Variants in SLCO1A2 observed in about 807,000 individuals in gnomAD.
The protein encoded by SLCO1A2 is OATP-1.
SLCO1A2 carries 67 observed loss-of-function variants against 69.0 expected under a neutral mutation model. That is an observed-to-expected ratio of 0.97 (90% CI 0.80 to 1.19). SLCO1A2 has a LOEUF of 1.19. Ranked by LOEUF, SLCO1A2 falls within the 50% of genes most tolerant of loss-of-function variation. The probability of loss-of-function intolerance (pLI) is 0.00; values close to 1 mark genes in which losing one functional copy is unlikely to be tolerated. For missense variants in SLCO1A2, 787 were observed against 793.7 expected, an observed-to-expected ratio of 0.99 and a Z score of 0.10; for synonymous variants, 260 against 265.9, an observed-to-expected ratio of 0.98 and a Z score of 0.22.
rs1286871779 is a variant in SLCO1A2 at position 21,400,816 on chromosome 12, G to A, written c.-312+17066C>T. On this transcript the variant is annotated intron_variant, in intron 1 of 4. Transcript: ENST00000413682. Reference sequence around the variant, plus strand: ...ACCGTATATTCTCACTCATAGGTGGGAATTGAACAATGAGATCACATGGAC... The same window carrying A: ...ACCGTATATTCTCACTCATAGGTGGAAATTGAACAATGAGATCACATGGAC... Among the ~76,000 whole-genome samples, 1,427 of 143,510 alleles carry A rather than the reference G, an allele frequency of 9.9e-3. 22 individuals carry two copies. The highest frequency in any genetic ancestry group is 0.034 in the African/African-American group (1,313 of 38,750). The allele number at this position is 143,510 out of a possible 152,430, so 94.1% of individuals were successfully genotyped here.
rs59201637 is a variant in SLCO1A2 at position 21,334,906 on chromosome 12, T to C, written c.-142A>G. On this transcript the variant is annotated 5_prime_UTR_variant, in exon 1 of 15. An upstream start codon of the reference 5' UTR is lost. Transcript: ENST00000683939. ...TTGGTTTTCTATTTCAAAAGGTACATCAAATAACTTTAGTGACTCTTTAGT... is the reference window on the plus strand; with the variant it reads ...TTGGTTTTCTATTTCAAAAGGTACACCAAATAACTTTAGTGACTCTTTAGT... 5.4e-6 allele frequency: 2 copies of C among 367,010 alleles called. No individual in the cohort carries two copies. Among genetic ancestry groups the C allele is most frequent in the African/African-American group, 4.2e-5 (2 of 47,098 alleles). 22.7% of individuals were successfully genotyped at this position (367,010 alleles called of 1,614,324 possible).
In SLCO1A2 at chr12:21,267,814, C is replaced by G. The variant is rs950921610; in HGVS notation, c.*1734G>C. 2.0e-5 allele frequency: 3 copies of G among 152,064 alleles called. No homozygotes were observed. Among genetic ancestry groups the G allele is most frequent in the Non-Finnish European group, 1.5e-5 (1 of 68,022 alleles). The allele number at this position is 152,064 out of a possible 1,614,324, so 9.4% of individuals were successfully genotyped here. A position where few individuals can be genotyped will look rare whatever the true frequency, so the allele number is the denominator to read the frequency against. On this transcript the variant is annotated 3_prime_UTR_variant, in exon 15 of 15. Transcript: ENST00000683939. ...GTTTTAGTTTCCAGGCCATTCTCCT[C>G]ACTTCCTCCCACCACAAAGGAAGTG... is the stretch of plus-strand genomic sequence containing the variant.
upstream of SLCO1A2, chr12:21,419,038 G>C (rs1942035947): frequency 6.6e-6 from 1 of 152,062 alleles, no homozygotes; most frequent in Admixed American, 6.6e-5. Flanking sequence ...ACTATGTGAG[G>C]CTAATAATTC....
At chr12:21,398,112 T>G (rs1941543550), upstream of SLCO1A2, among the ~76,000 whole-genome samples, 1 of 143,034 alleles carries the variant, frequency 7.0e-6, no homozygotes, top group Non-Finnish European at 1.6e-5. Flanking sequence ...ATCAACAAAA[T>G]TGATAGACCA....
intron 2 of SLCO1A2, among the ~76,000 whole-genome samples, chr12:21,345,144 T>C (rs1953210384): frequency 6.6e-6 from 1 of 151,968 alleles, no homozygotes; most frequent in South Asian, 2.1e-4. Context: ...CTCTTTTTGT[T>C]TCCTGCTTGG....
At chr12:21,285,755 A>T (rs1385447934) in intron 12 of SLCO1A2, among the ~76,000 whole-genome samples, 1 of 150,942 alleles carries the variant, frequency 6.6e-6, no homozygotes, top group Non-Finnish European at 1.5e-5. Context: ...CAAAGACAAA[A>T]ACCACATGAT....
chr12:21,299,831 CATATATGTGTATATATAT>C (rs1948394184), intron 8 of SLCO1A2, among the ~76,000 whole-genome samples: 1 of 140,968 alleles, frequency 7.1e-6, no homozygotes, highest in African/African-American at 2.6e-5. Context: ...TATACACACA[CATATATGTGTATATATAT>C]ACGTGTATAT....
At chr12:21,394,834 T>C (rs1941356565) in intron 1 of SLCO1A2, 1 of 152,044 alleles carries the variant, frequency 6.6e-6, no homozygotes, top group Non-Finnish European at 1.5e-5. Context: ...GCCAATAATA[T>C]CAATTGCTAA....
intron 6 of SLCO1A2, among the ~76,000 whole-genome samples, chr12:21,303,923 C>A (rs1054524390): frequency 2.0e-5 from 3 of 151,888 alleles, no homozygotes. Flanking sequence ...TTATATGTGT[C>A]ATAAATATAG....
chr12:21,360,781 G>A (rs564346396), intron 2 of SLCO1A2, among the ~76,000 whole-genome samples: 17 of 152,200 alleles, frequency 1.1e-4, no homozygotes, highest in East Asian at 7.7e-4. Context: ...ACGGAGGCTC[G>A]CTCACTGCTA....
intron 1 of SLCO1A2, among the ~76,000 whole-genome samples, chr12:21,386,403 A>G (rs7964783): frequency 0.27 from 41,104 of 151,868 alleles, 7,041 homozygotes; most frequent in African/African-American, 0.5. Context: ...TTGAATTGTC[A>G]CTCCCATAAC....
intron 2 of SLCO1A2, among the ~76,000 whole-genome samples, chr12:21,346,277 T>C (rs1490432079): frequency 1.3e-5 from 2 of 152,190 alleles, no homozygotes; most frequent in Admixed American, 1.3e-4. Context: ...CTAGTAAATT[T>C]ACTTAATTCA....
In SLCO1A2 at chr12:21,269,771, T is replaced by C; in HGVS notation, c.1794-4A>G. The C allele has an allele frequency of 1.2e-6, 2 of 1,601,470 alleles. No homozygotes were observed. The highest frequency in any genetic ancestry group is 1.1e-5 in the South Asian group (1 of 89,098). ...CGGCAATCCGAGGTAGATGTATCTA[T>C]TTTTTTAAAAGTTAAAACATATTAA... On this transcript the variant is annotated splice_polypyrimidine_tract_variant and splice_region_variant and intron_variant, in intron 14 of 14. Coordinates refer to ENST00000683939, the MANE Select transcript of SLCO1A2 (RefSeq NM_001386879.1).
rs748117966 is a variant in SLCO1A2, at chr12:21,295,596, C to A, written c.1271+1G>T. On this transcript the variant is annotated splice_donor_variant, in intron 10 of 14. Coordinates refer to ENST00000683939, the MANE Select transcript of SLCO1A2 (RefSeq NM_001386879.1). LOFTEE classifies it high-confidence loss of function. ...CTCACATTCATTAGAAAACAACATA[C>A]CCTTCATAAGAGGTATTTATTCCAA... 2 of 1,547,940 alleles carry A rather than the reference C, an allele frequency of 1.3e-6. No homozygotes were observed. Among genetic ancestry groups the A allele is most frequent in the African/African-American group, 1.4e-5 (1 of 73,102 alleles).
intron 1 of SLCO1A2, among the ~76,000 whole-genome samples, chr12:21,394,748 G>A (rs763518849): frequency 2.0e-5 from 3 of 152,136 alleles, no homozygotes; most frequent in East Asian, 1.9e-4. Context: ...TTATCCCATC[G>A]AGAGGCTTGT....
intron 1 of SLCO1A2, among the ~76,000 whole-genome samples, chr12:21,415,415 G>A (rs1232273040): frequency 1.3e-5 from 2 of 151,794 alleles, no homozygotes; most frequent in African/African-American, 4.8e-5. Flanking sequence ...TATATTTCCT[G>A]GATTTTTCTT....
intron 1 of SLCO1A2, among the ~76,000 whole-genome samples, chr12:21,385,939 A>T (rs1359999362): frequency 6.6e-6 from 1 of 152,240 alleles, no homozygotes; most frequent in Non-Finnish European, 1.5e-5. Flanking sequence ...AGAGGATATG[A>T]ACCAGAACCA....
chr12:21,312,412 C>T (rs1343576669), intron 4 of SLCO1A2, among the ~76,000 whole-genome samples: 1 of 152,174 alleles, frequency 6.6e-6, no homozygotes, highest in African/African-American at 2.4e-5. Flanking sequence ...ACTACTCAAA[C>T]TTTCTCCATC....
chr12:21,292,687 C>T (rs1374787439), intron 11 of SLCO1A2, among the ~76,000 whole-genome samples: 1 of 152,012 alleles, frequency 6.6e-6, no homozygotes, highest in African/African-American at 2.4e-5. Context: ...CCTCTGCCTC[C>T]CAGGTTCAAG....
Sources: gnomAD v4.1 joint callset for allele counts (sites outside exome capture counted in the v4.1 genomes callset) on GRCh38, gnomAD v4.1.1 for gene constraint, MANE v1.5 for transcripts, NCBI Gene and HGNC (gene_info 2026-07-23, HGNC 2026-07-21) for gene names.